DYSF: variants seen among roughly 807,000 people sequenced by gnomAD.
The protein encoded by DYSF is dystrophy-associated fer-1-like 1.
In DYSF, 212 loss-of-function variants were observed where a neutral mutation model predicts 274.9. The ratio of observed to expected loss-of-function variants is 0.77; its 90% CI spans 0.69 to 0.86. The LOEUF is 0.86. DYSF is among the 40% of genes least tolerant of loss of function. The pLI, the probability that DYSF is intolerant of heterozygous loss-of-function variation, is 0.00. For synonymous variants in DYSF, 1,091 were observed against 1,078.7 expected, an observed-to-expected ratio of 1.01 and a Z score of -0.22; for missense variants, 2,666 against 2,783.2, an observed-to-expected ratio of 0.96 and a Z score of 0.95.
rs777167646 is a variant in DYSF, at chr2:71,682,522, G to C, written c.6174-8G>C. On this transcript the variant is annotated splice_region_variant and splice_polypyrimidine_tract_variant and intron_variant, in intron 54 of 55. Transcript: ENST00000410020. ...ATGCCCAGTTGACCTCCGGGATCTC[G>C]CTTCCAGGCGCCCCGACACCTCCTT... 1 of 1,614,094 alleles carries C rather than the reference G, an allele frequency of 6.2e-7. No homozygotes were observed. The highest frequency in any genetic ancestry group is 8.5e-7 in the Non-Finnish European group (1 of 1,180,014).
At chr2:71,478,043 G>GTTTT (rs61140655) in intron 1 of DYSF, among the ~76,000 whole-genome samples, 7,634 of 128,988 alleles carry the variant, frequency 0.059, 282 homozygotes, top group African/African-American at 0.095. Context: ...GGAAGTTATA[G>GTTTT]TTTTTTTTTT....
At chr2:71,671,176 A>G (rs2095114189) in intron 51 of DYSF, among the ~76,000 whole-genome samples, 1 of 152,186 alleles carries the variant, frequency 6.6e-6, no homozygotes, top group Non-Finnish European at 1.5e-5. Flanking sequence ...AAAAGAAAAC[A>G]TGGATTCAAC....
In DYSF at chr2:71,590,327, CTGAGA is replaced by C; in HGVS notation, c.3574+41_3574+45del. 4 of 1,609,006 alleles carry C rather than the reference CTGAGA, an allele frequency of 2.5e-6. No individual in the cohort carries two copies. The East Asian group carries it at 8.9e-5, about 36-fold the overall frequency. On this transcript the variant is annotated intron_variant, in intron 32 of 55. Transcript: ENST00000410020. ...AGGCAGGAGAGTCAGAGACTGTGGGCTGAGATCTGGGAATGGAGACATCTGGCTTT... is the reference window on the plus strand; with the variant it reads ...AGGCAGGAGAGTCAGAGACTGTGGGCTCTGGGAATGGAGACATCTGGCTTT...
At chr2:71,536,100 G>A (rs1274230583) in intron 16 of DYSF, among the ~76,000 whole-genome samples, 2 of 152,194 alleles carry the variant, frequency 1.3e-5, no homozygotes, top group Admixed American at 6.5e-5. Flanking sequence ...TAGTTGAGGG[G>A]AGCTGTCTCT....
At chr2:71,535,242 C>T in intron 15 of DYSF, 26 bp from the exon 16 acceptor site, 1 of 1,613,270 alleles carries the variant, frequency 6.2e-7, no homozygotes, top group Non-Finnish European at 8.5e-7. Flanking sequence ...GACTCTTCTC[C>T]CAACACGCCT....
chr2:71,601,125 A>G (rs1041906087), intron 34 of DYSF: 5 of 589,344 alleles, frequency 8.5e-6, no homozygotes, highest in South Asian at 6.1e-5. Context: ...AATTGCCACA[A>G]TGTGAGGGAC....
intron 32 of DYSF, among the ~76,000 whole-genome samples, chr2:71,591,021 C>T (rs1404897626): frequency 3.3e-5 from 5 of 152,220 alleles, no homozygotes; most frequent in Non-Finnish European, 7.4e-5. Flanking sequence ...TAGACACTGA[C>T]AGATAACCTC....
At position 71,669,079 on chromosome 2, in the gene DYSF, A is replaced by G. The variant is rs755557676; in HGVS notation, c.5547-33A>G. The G allele has an allele frequency of 8.4e-6, 13 of 1,545,864 alleles. No homozygotes were observed. The Admixed American group carries it at 1.9e-4, about 23-fold the overall frequency. ...AGGCCTTCCCATCCTTTGGTAGGAA[A>G]TCTAGGTGGATTAGAGTGATACCTT... On this transcript the variant is annotated intron_variant, in intron 49 of 55. Coordinates refer to ENST00000410020, the MANE Select transcript of DYSF (RefSeq NM_001130987.2).
chr2:71,600,869 G>A (rs1376818979), intron 34 of DYSF, 27 bp downstream of exon 34: 1 of 1,605,132 alleles, frequency 6.2e-7, no homozygotes, highest in Non-Finnish European at 8.5e-7. Flanking sequence ...TCCAGATCCA[G>A]GAGGCCCAGG....
rs2095310764 is a variant in DYSF, at chr2:71,682,686, G to A, written c.6321+9G>A. ...TCATCTACGCCTTCCCGGTGAGCAG[G>A]CCTGACGACACTGTGGTGGGGGAAC... On this transcript the variant is annotated intron_variant, in intron 55 of 55. Coordinates refer to ENST00000410020, the MANE Select transcript of DYSF (RefSeq NM_001130987.2). The A allele has an allele frequency of 6.2e-7, 1 of 1,613,018 alleles. No individual in the cohort carries two copies. The highest frequency in any genetic ancestry group is 1.7e-5 in the Admixed American group (1 of 59,798).
At chr2:71,570,576 G>A in intron 28 of DYSF, 23 bp from the exon 29 acceptor site, 2 of 1,612,506 alleles carry the variant, frequency 1.2e-6, no homozygotes, top group South Asian at 1.1e-5. Context: ...CAAGCAATGA[G>A]TGACCGGTTC....
intron 32 of DYSF, among the ~76,000 whole-genome samples, chr2:71,596,421 GGGCTTTTTCGCT>G (rs2093411449): frequency 6.6e-6 from 1 of 152,200 alleles, no homozygotes; most frequent in Non-Finnish European, 1.5e-5. Flanking sequence ...GGAACAAAAG[GGGCTTTTTCGCT>G]GGCTCTCTAA....
intron 41 of DYSF, among the ~76,000 whole-genome samples, chr2:71,625,254 A>G (rs541753596): frequency 7.4e-4 from 112 of 152,234 alleles, no homozygotes; most frequent in African/African-American, 2.6e-3. Context: ...TTGTTTAGAA[A>G]AGACTGTTAA....
intron 14 of DYSF, among the ~76,000 whole-genome samples, chr2:71,531,399 AG>A (rs1383110214): frequency 6.6e-6 from 1 of 152,096 alleles, no homozygotes; most frequent in African/African-American, 2.4e-5. Flanking sequence ...GGACACTTTC[AG>A]GGCTTTGAAA....
At chr2:71,568,455 G>A in intron 26 of DYSF, 117 bp downstream of exon 26, 1 of 1,372,882 alleles carries the variant, frequency 7.3e-7, no homozygotes, top group Non-Finnish European at 1.0e-6. Flanking sequence ...TCCTGCGCTG[G>A]TCATAGGAAC....
chr2:71,494,060 C>T (rs1293042083), intron 3 of DYSF, among the ~76,000 whole-genome samples: 1 of 151,984 alleles, frequency 6.6e-6, no homozygotes, highest in East Asian at 1.9e-4. Context: ...CTGTTATAGC[C>T]TTTGTGCAAG....
Position 71,589,704 on chromosome 2 carries a change from G to C in DYSF, c.3496+18G>C, listed in dbSNP as rs753364656. On this transcript the variant is annotated intron_variant, in intron 31 of 55. Transcript: ENST00000410020. Reference sequence around the variant, plus strand: ...ATTCGACTGTAAGTGAGGCTTCGAGGCCTCTATGGGGTGATAAGGGTGTGT... The same window carrying C: ...ATTCGACTGTAAGTGAGGCTTCGAGCCCTCTATGGGGTGATAAGGGTGTGT... 1 of 1,604,898 alleles carries C rather than the reference G, an allele frequency of 6.2e-7. No homozygotes were observed. The highest frequency in any genetic ancestry group is 1.7e-4 in the Middle Eastern group (1 of 6,046).
chr2:71,574,237 G>T lies in DYSF; in HGVS notation c.3268G>T (p.Ala1090Ser). ...GGCGGAGGGCGAGGGCTGGGAGTAC[G>T]CCTCTCTTTTTGGCTGGAAGTTCCA... ...AEAEGEGWEYASLFGWKFHLE... is the reference protein window; with the variant it reads ...AEAEGEGWEYSSLFGWKFHLE... The change falls in exon 30 of 56, where the codon GCC (alanine) becomes TCC (serine). Residue 1090 changes from alanine (A) to serine (S), a missense_variant. This residue lies in a region of DYSF where 1,460 missense variants were observed against 1,502.1 expected (regional missense o/e 0.97). Transcript: ENST00000410020. The T allele has an allele frequency of 6.2e-7, 1 of 1,613,924 alleles. No homozygotes were observed. Among genetic ancestry groups the T allele is most frequent in the Non-Finnish European group, 8.5e-7 (1 of 1,180,030 alleles).
Position 71,598,546 on chromosome 2 carries a change from C to T in DYSF, c.3575-18C>T, listed in dbSNP as rs376861951. On this transcript the variant is annotated intron_variant, in intron 32 of 55. Transcript: ENST00000410020. ...CCTGCTGTGTCCTGTCTCCCCTCCC[C>T]CTCTCCGGCCCATGCAGATCCCTAT... 6.2e-6 allele frequency: 10 copies of T among 1,614,040 alleles called. No homozygotes were observed. The African/African-American group carries it at 1.1e-4, about 17-fold the overall frequency.
Sources: gnomAD v4.1 joint callset for allele counts (sites outside exome capture counted in the v4.1 genomes callset) on GRCh38, gnomAD v4.1.1 for gene constraint, gnomAD v4.1.1 regional missense constraint, MANE v1.5 for transcripts, NCBI Gene and HGNC (gene_info 2026-07-23, HGNC 2026-07-21) for gene names.